The following ZNF45 variants were observed in gnomAD, a reference collection of about 807,000 sequenced individuals.
The protein encoded by ZNF45 is BRC1744.
In ZNF45, 4 loss-of-function variants were observed where a neutral mutation model predicts 12.0. The observed-to-expected ratio is 0.33, with a 90% CI of 0.16 to 0.76. The LOEUF (loss-of-function observed/expected upper bound fraction) is 0.76, where lower values mean the gene tolerates loss of function less well. Ranked by LOEUF, ZNF45 falls within the 30% of genes least tolerant of loss-of-function variation. The pLI is 0.60. For synonymous variants in ZNF45, 272 were observed against 279.6 expected (o/e 0.97, Z 0.27); for missense variants, 700 against 813.0 (o/e 0.86, Z 1.69).
intron 3 of ZNF45, among the ~76,000 whole-genome samples, chr19:43,928,045 A>G (rs150575662): frequency 0.023 from 3,520 of 151,992 alleles, 149 homozygotes; most frequent in African/African-American, 0.078. Flanking sequence ...GCCAGGCATG[A>G]TGGCGAATGC....
intron 6 of ZNF45, among the ~76,000 whole-genome samples, chr19:43,922,834 T>TTG (rs1555747372): frequency 6.9e-6 from 1 of 143,936 alleles, no homozygotes; most frequent in Non-Finnish European, 1.5e-5. Context: ...TTTTTTTTTT[T>TTG]TTTTTTTTTG....
rs1972321198 is a variant in ZNF45 at position 43,912,803 on chromosome 19, T to G, written c.*584A>C. ...TACTGTTAACATACAAAACTTCTAG[T>G]TGCTAGCCAGAAACTGATTTCTGAA... On this transcript the variant is annotated 3_prime_UTR_variant, in exon 10 of 10. Coordinates refer to ENST00000269973, the MANE Select transcript of ZNF45 (RefSeq NM_003425.4). 1 of 152,344 alleles carries G rather than the reference T, an allele frequency of 6.6e-6. No homozygotes were observed. Among genetic ancestry groups the G allele is most frequent in the Non-Finnish European group, 1.5e-5 (1 of 68,166 alleles). 9.4% of individuals were successfully genotyped at this position (152,344 alleles called of 1,614,324 possible).
chr19:43,920,887 C>T (rs1028638311), intron 7 of ZNF45, among the ~76,000 whole-genome samples: 1 of 152,118 alleles, frequency 6.6e-6, no homozygotes, highest in Admixed American at 6.5e-5. Flanking sequence ...CAGGTGTGAG[C>T]CACTGTGCTC....
intron 4 of ZNF45, 39 bp downstream of exon 4, chr19:43,925,286 T>C (rs1421061998): frequency 6.6e-6 from 1 of 152,162 alleles, no homozygotes; most frequent in Non-Finnish European, 1.5e-5. Flanking sequence ...GCCTATGGTA[T>C]TGTTTGTTAT....
chr19:43,913,615 T>C lies in ZNF45; in HGVS notation c.1821A>G (p.Thr607=). 6.2e-7 allele frequency: 1 copy of C among 1,614,096 alleles called. No individual in the cohort carries two copies. Among genetic ancestry groups the C allele is most frequent in the Non-Finnish European group, 8.5e-7 (1 of 1,180,008 alleles). Residue 607 remains threonine, a synonymous_variant, in exon 10 of 10, where the codon ACA becomes ACG. Transcript: ENST00000269973. Reference sequence around the variant, plus strand: ...CCTCACATTTGTATGGTCTCTCTCCTGTGTGGACCCTCTGGTGGGCTTGAA... The same window carrying C: ...CCTCACATTTGTATGGTCTCTCTCCCGTGTGGACCCTCTGGTGGGCTTGAA... The part of the protein sequence containing the change: ...SYLQAHQRVH[T]GERPYKCEEC...
intron 4 of ZNF45, 45 bp downstream of exon 4, chr19:43,925,279 TA>T (rs1367905390): frequency 1.3e-5 from 2 of 152,208 alleles, no homozygotes; most frequent in Non-Finnish European, 2.9e-5. Flanking sequence ...CCACCCAGCC[TA>T]TGGTATTGTT....
intron 1 of ZNF45, 50 bp downstream of exon 1, chr19:43,934,873 AG>A (rs1436198641): frequency 6.6e-6 from 1 of 152,242 alleles, no homozygotes; most frequent in African/African-American, 2.4e-5. Context: ...TTCCTTTTGC[AG>A]AAGAGGAAAC....
Position 43,919,983 on chromosome 19 carries a change from T to C in ZNF45, c.16-284A>G, listed in dbSNP as rs533560131. 8.5e-5 allele frequency among the ~76,000 whole-genome samples: 13 copies of C among 152,292 alleles called. No homozygotes were observed. In the East Asian group the frequency reaches 2.3e-3, roughly 27 times the overall value. On this transcript the variant is annotated intron_variant, in intron 7 of 9. Transcript: ENST00000269973. ...ATCACAATGTCAAAGAATATGCAAC[T>C]TCCAAATTATGATGTACGACAGATT... is the stretch of plus-strand genomic sequence containing the variant.
Position 43,914,883 on chromosome 19 carries a change from C to A in ZNF45, c.553G>T (p.Ala185Ser), listed in dbSNP as rs1296359866. ...WSSHLQINQR[A>S]HAGEKPYKCE... is the part of the protein sequence containing the mutation. The stretch of plus-strand genomic sequence containing the variant: ...TTGTAGGGCTTCTCTCCTGCATGAG[C>A]CCTTTGGTTAATTTGAAGATGAGAG... The change falls in exon 10 of 10, where the codon GCT (alanine) becomes TCT (serine). Residue 185 changes from alanine (A) to serine (S), a missense_variant. Physicochemically the swap from Ala to Ser is moderately conservative, Grantham distance 99 (BLOSUM62 1). Transcript: ENST00000269973. The A allele has an allele frequency of 5.0e-6, 8 of 1,612,870 alleles. No individual in the cohort carries two copies. Among genetic ancestry groups the A allele is most frequent in the Non-Finnish European group, 6.8e-6 (8 of 1,179,062 alleles).
At chr19:43,919,746 C>T (rs921009660) in intron 7 of ZNF45, 47 bp from the exon 8 acceptor site, 1 of 1,598,610 alleles carries the variant, frequency 6.3e-7, no homozygotes, top group South Asian at 1.1e-5. Context: ...TAAAGGTCCA[C>T]TGGAAAAGGG....
chr19:43,918,385 T>A (rs1486836746), intron 9 of ZNF45, among the ~76,000 whole-genome samples: 2 of 152,206 alleles, frequency 1.3e-5, no homozygotes, highest in Admixed American at 1.3e-4. Context: ...GCCATTTGTA[T>A]GCTGAAATCC....
At chr19:43,916,525 C>G (rs1972690692) in intron 9 of ZNF45, among the ~76,000 whole-genome samples, 2 of 152,178 alleles carry the variant, frequency 1.3e-5, no homozygotes, top group South Asian at 4.1e-4. Context: ...ACATATTACC[C>G]TCTGACAAAC....
At chr19:43,921,949 A>G (rs2146962408) in intron 7 of ZNF45, among the ~76,000 whole-genome samples, 1 of 152,356 alleles carries the variant, frequency 6.6e-6, no homozygotes, top group South Asian at 2.1e-4. Context: ...TTTTATTGTT[A>G]CTGACTTTTC....
chr19:43,913,354 T>G lies in ZNF45; in HGVS notation c.*33A>C. 6.6e-7 allele frequency: 1 copy of G among 1,520,090 alleles called. No individual in the cohort carries two copies. The highest frequency in any genetic ancestry group is 8.8e-7 in the Non-Finnish European group (1 of 1,136,292). 94.2% of individuals were successfully genotyped at this position (1,520,090 alleles called of 1,614,324 possible). Reference sequence around the variant, plus strand: ...TATGATAGCTCTGATTATTAAAATATTTCAGCACCCATCTGAGATAGTAAA... The same window carrying G: ...TATGATAGCTCTGATTATTAAAATAGTTCAGCACCCATCTGAGATAGTAAA... On this transcript the variant is annotated 3_prime_UTR_variant, in exon 10 of 10. Transcript: ENST00000269973.
intron 9 of ZNF45, among the ~76,000 whole-genome samples, chr19:43,916,326 G>T (rs1233548970): frequency 5.9e-5 from 9 of 152,034 alleles, no homozygotes; most frequent in Non-Finnish European, 5.9e-5. Context: ...ATCTTGCCTA[G>T]GCTGGTCTCA....
chr19:43,919,424 G>T, intron 8 of ZNF45, 149 bp downstream of exon 8: 1 of 890,404 alleles, frequency 1.1e-6, no homozygotes, highest in African/African-American at 1.7e-5. Flanking sequence ...CTTTTGCCAG[G>T]GGAGAAAGAC....
chr19:43,922,134 A>G (rs761566660), intron 7 of ZNF45, 37 bp downstream of exon 7: 2 of 1,605,516 alleles, frequency 1.2e-6, no homozygotes, highest in South Asian at 1.1e-5. Context: ...CCGAAATGAG[A>G]TGACAATTAT....
At chr19:43,922,047 G>T in intron 7 of ZNF45, 124 bp downstream of exon 7, 2 of 861,322 alleles carry the variant, frequency 2.3e-6, no homozygotes, top group Non-Finnish European at 3.4e-6. Flanking sequence ...GCAAGCATTT[G>T]GCACACAAGA....
At chr19:43,929,455 C>T (rs1251266896) in intron 3 of ZNF45, among the ~76,000 whole-genome samples, 1 of 152,170 alleles carries the variant, frequency 6.6e-6, no homozygotes, top group Admixed American at 6.5e-5. Context: ...GTGCATCTTC[C>T]CTGCAAGCAG....
Sources: allele counts gnomAD v4.1 joint callset (sites outside exome capture counted in the v4.1 genomes callset), GRCh38; gene constraint gnomAD v4.1.1; transcripts MANE v1.5; gene names NCBI Gene and HGNC (gene_info 2026-07-23, HGNC 2026-07-21).